The following PCDH9 variants were observed in gnomAD, a reference collection of about 807,000 sequenced individuals.
The protein encoded by PCDH9 is protocadherin-9.
In PCDH9, 24 loss-of-function variants were observed where a neutral mutation model predicts 70.6. The observed-to-expected ratio is 0.34, with a 90% CI of 0.25 to 0.48. The LOEUF (loss-of-function observed/expected upper bound fraction) is 0.48, where lower values mean the gene tolerates loss of function less well. Ranked by LOEUF, PCDH9 falls within the 20% of genes least tolerant of loss-of-function variation. PCDH9 has a pLI of 0.99. For missense variants in PCDH9, 1,281 were observed against 1,503.6 expected, an observed-to-expected ratio of 0.85 and a Z score of 2.45; for synonymous variants, 562 against 558.5, an observed-to-expected ratio of 1.01 and a Z score of -0.09.
chr13:66,697,279 T>C (rs920777930), intron 3 of PCDH9, among the ~76,000 whole-genome samples: 13 of 150,998 alleles, frequency 8.6e-5, no homozygotes, highest in African/African-American at 3.2e-4. Flanking sequence ...AATTTATTTC[T>C]CCCCCCCCAA....
At chr13:67,203,689 GA>G (rs969775843) in intron 2 of PCDH9, 1 of 152,002 alleles carries the variant, frequency 6.6e-6, no homozygotes, top group African/African-American at 2.4e-5. Flanking sequence ...CTCTTCCAAT[GA>G]ATAGATATGA....
At chr13:66,607,517 C>T (rs532211732) in intron 4 of PCDH9, among the ~76,000 whole-genome samples, 3 of 152,034 alleles carry the variant, frequency 2.0e-5, no homozygotes, top group African/African-American at 7.2e-5. Flanking sequence ...AAAATAAAGC[C>T]TTCTAGGGCA....
intron 3 of PCDH9, among the ~76,000 whole-genome samples, chr13:66,890,448 C>CTTTTTTT (rs36076373): frequency 4.0e-5 from 4 of 100,530 alleles, no homozygotes; most frequent in Non-Finnish European, 6.1e-5. Flanking sequence ...GACTTCTGAA[C>CTTTTTTT]TTTTTTTTTT....
chr13:67,222,244 T>G (rs1221508935), intron 2 of PCDH9: 3 of 149,896 alleles, frequency 2.0e-5, no homozygotes, highest in African/African-American at 7.3e-5. Flanking sequence ...ACTTTGTTGT[T>G]TTTTTTTTTT....
chr13:66,602,731 T>C lies in PCDH9; in HGVS notation c.3340+28479A>G, dbSNP rs542127686. The stretch of plus-strand genomic sequence containing the variant: ...ACATAGTCTACCTTAGTGCAAAGTA[T>C]GTCCTAGGCCTTCACATTTACTCAC... On this transcript the variant is annotated intron_variant, in intron 4 of 4. Coordinates refer to ENST00000377865, the MANE Select transcript of PCDH9 (RefSeq NM_203487.3). Among the ~76,000 whole-genome samples, 16 of 145,966 alleles carry C rather than the reference T, an allele frequency of 1.1e-4. 2 individuals carry two copies. The South Asian group carries it at 3.3e-3, about 30-fold the overall frequency.
chr13:66,869,048 A>T (rs1305947502), intron 3 of PCDH9, among the ~76,000 whole-genome samples: 7 of 152,270 alleles, frequency 4.6e-5, no homozygotes, highest in African/African-American at 1.4e-4. Flanking sequence ...ATTATATTAA[A>T]CCACATAATA....
At chr13:66,931,949 T>C (rs1479541897) in intron 2 of PCDH9, among the ~76,000 whole-genome samples, 3 of 152,042 alleles carry the variant, frequency 2.0e-5, no homozygotes, top group Non-Finnish European at 4.4e-5. Context: ...CATATATGTA[T>C]GTTTATGTGT....
chr13:66,825,474 C>T (rs2080805712), intron 3 of PCDH9, among the ~76,000 whole-genome samples: 1 of 148,860 alleles, frequency 6.7e-6, no homozygotes, highest in Admixed American at 6.7e-5. Context: ...GTAGCTGGGA[C>T]TACAGGCGCG....
At chr13:66,451,407 G>T (rs1286629921) in intron 4 of PCDH9, among the ~76,000 whole-genome samples, 1 of 152,012 alleles carries the variant, frequency 6.6e-6, no homozygotes, top group East Asian at 1.9e-4. Flanking sequence ...AATTTCCAAG[G>T]TAGCTGCTAT....
intron 4 of PCDH9, among the ~76,000 whole-genome samples, chr13:66,528,413 C>T (rs1593625834): frequency 6.6e-6 from 1 of 152,124 alleles, no homozygotes; most frequent in African/African-American, 2.4e-5. Context: ...CGCAATAGTG[C>T]AATTGTACAA....
chr13:67,101,872 G>T (rs912102812), intron 2 of PCDH9, among the ~76,000 whole-genome samples: 6 of 152,096 alleles, frequency 3.9e-5, no homozygotes, highest in African/African-American at 1.4e-4. Flanking sequence ...GAATACTAAG[G>T]CTGTTATGGA....
At chr13:67,136,119 A>G (rs2087226267) in intron 2 of PCDH9, among the ~76,000 whole-genome samples, 1 of 152,138 alleles carries the variant, frequency 6.6e-6, no homozygotes, top group Non-Finnish European at 1.5e-5. Context: ...AGAATACTGT[A>G]TTTTTATTGT....
At chr13:67,137,081 C>T (rs1383096922) in intron 2 of PCDH9, among the ~76,000 whole-genome samples, 1 of 151,716 alleles carries the variant, frequency 6.6e-6, no homozygotes, top group Non-Finnish European at 1.5e-5. Context: ...ATGTAGCAAA[C>T]CTGCACATTG....
intron 3 of PCDH9, among the ~76,000 whole-genome samples, chr13:66,834,244 G>A (rs763569838): frequency 4.2e-5 from 6 of 142,122 alleles, no homozygotes; most frequent in African/African-American, 1.0e-4. Context: ...TGCAAACTCC[G>A]TCCCCCGAGC....
intron 4 of PCDH9, among the ~76,000 whole-genome samples, chr13:66,416,436 G>T (rs1486067184): frequency 6.6e-6 from 1 of 152,058 alleles, no homozygotes; most frequent in Non-Finnish European, 1.5e-5. Flanking sequence ...TAGACTTCAA[G>T]ATGTAATATT....
At chr13:66,984,773 A>T (rs1437202953) in intron 2 of PCDH9, among the ~76,000 whole-genome samples, 1 of 152,174 alleles carries the variant, frequency 6.6e-6, no homozygotes, top group Admixed American at 6.6e-5. Context: ...TTTCTCTTTT[A>T]GCAAAATAAT....
intron 2 of PCDH9, among the ~76,000 whole-genome samples, chr13:67,057,798 G>T: frequency 6.6e-6 from 1 of 151,984 alleles, no homozygotes; most frequent in Non-Finnish European, 1.5e-5. Context: ...ATGACCATCA[G>T]AAAAACTCAG....
At chr13:66,309,725 A>G (rs1182888690) in intron 4 of PCDH9, among the ~76,000 whole-genome samples, 1 of 151,752 alleles carries the variant, frequency 6.6e-6, no homozygotes, top group African/African-American at 2.4e-5. Context: ...AGTCTCTCAA[A>G]TATTTATTAA....
intron 2 of PCDH9, among the ~76,000 whole-genome samples, chr13:67,167,071 T>A (rs2099272557): frequency 6.6e-6 from 1 of 152,232 alleles, no homozygotes; most frequent in South Asian, 2.1e-4. Context: ...TTCATTATGA[T>A]TTTTTAAGTC....
Sources: allele counts gnomAD v4.1 joint callset (sites outside exome capture counted in the v4.1 genomes callset), GRCh38; gene constraint gnomAD v4.1.1; transcripts MANE v1.5; gene names NCBI Gene and HGNC (gene_info 2026-07-23, HGNC 2026-07-21).